The following CDC37L1 variants were observed in gnomAD, a reference collection of about 807,000 sequenced individuals.
CDC37L1 encodes hsp90 co-chaperone Cdc37-like 1.
Under a neutral mutation model 45.9 loss-of-function variants are expected in CDC37L1, and 32 were observed. The ratio of observed to expected loss-of-function variants is 0.70; its 90% CI spans 0.53 to 0.94. The LOEUF (loss-of-function observed/expected upper bound fraction) is 0.94, where lower values mean the gene tolerates loss of function less well. CDC37L1 is among the 40% of genes least tolerant of loss of function. The pLI, the probability that CDC37L1 is intolerant of heterozygous loss-of-function variation, is 0.00. For missense variants in CDC37L1, 434 were observed against 405.7 expected (o/e 1.07, Z -0.60); for synonymous variants, 150 against 133.0 (o/e 1.13, Z -0.88).
intron 3 of CDC37L1, among the ~76,000 whole-genome samples, chr9:4,691,703 CT>C (rs1033894135): frequency 5.9e-5 from 9 of 152,066 alleles, no homozygotes; most frequent in African/African-American, 1.9e-4. Context: ...GACTGCCTTT[CT>C]TGTGCTGCTT....
At chr9:4,681,656 T>G (rs1841195257) in intron 1 of CDC37L1, among the ~76,000 whole-genome samples, 2 of 152,218 alleles carry the variant, frequency 1.3e-5, no homozygotes, top group Non-Finnish European at 2.9e-5. Context: ...AAATTTTTTT[T>G]GCAAACTGAT....
intron 2 of CDC37L1, 114 bp from the exon 3 acceptor site, chr9:4,688,396 TATG>T (rs1159587000): frequency 1.8e-6 from 1 of 553,230 alleles, no homozygotes; most frequent in South Asian, 2.9e-5. Context: ...GTAATATCAG[TATG>T]ATACTATACC....
At chr9:4,681,247 A>G (rs1841190636) in intron 1 of CDC37L1, among the ~76,000 whole-genome samples, 1 of 152,240 alleles carries the variant, frequency 6.6e-6, no homozygotes, top group Non-Finnish European at 1.5e-5. Flanking sequence ...AAATATCTGT[A>G]TGTTAATTTC....
At position 4,701,859 on chromosome 9, in the gene CDC37L1, TC is replaced by T. The variant is rs960358891; in HGVS notation, c.748-4del. On this transcript the variant is annotated splice_polypyrimidine_tract_variant and splice_region_variant and intron_variant, in intron 5 of 6. Coordinates refer to ENST00000381854, the MANE Select transcript of CDC37L1 (RefSeq NM_017913.4). ...AGTCTTTGTTTTTTTTTTTGTTTTT[TC>T]TAGGCAGAGGAAGAAGGTTATTTTG... 4.4e-6 allele frequency: 7 copies of T among 1,591,992 alleles called. No homozygotes were observed. In the African/African-American group the frequency reaches 5.4e-5, roughly 12 times the overall value.
intron 6 of CDC37L1, chr9:4,703,256 C>T (rs1235197870): frequency 1.8e-6 from 1 of 555,102 alleles, no homozygotes; most frequent in East Asian, 3.6e-5. Context: ...ACTGTAATTT[C>T]ACCATTCCAA....
At chr9:4,696,789 G>A (rs1475797723) in intron 3 of CDC37L1, among the ~76,000 whole-genome samples, 1 of 152,210 alleles carries the variant, frequency 6.6e-6, no homozygotes, top group Admixed American at 6.5e-5. Flanking sequence ...GCCCAAGACT[G>A]CGGGCATTCA....
rs1431284118 is a variant in CDC37L1 at position 4,686,882 on chromosome 9, T to C, written c.415-1631T>C. The stretch of plus-strand genomic sequence containing the variant: ...TAAAATACACACCAGATTCCAATGA[T>C]GTAGTGCCAAAAAAAGTAAAATATT... On this transcript the variant is annotated intron_variant, in intron 2 of 6. Coordinates refer to ENST00000381854, the MANE Select transcript of CDC37L1 (RefSeq NM_017913.4). 3.3e-5 allele frequency among the ~76,000 whole-genome samples: 5 copies of C among 152,342 alleles called. No individual in the cohort carries two copies. The East Asian group carries it at 9.6e-4, about 29-fold the overall frequency.
Position 4,681,016 on chromosome 9 carries a change from G to A in CDC37L1, c.132+1117G>A, listed in dbSNP as rs77535787. ...TGGGGAACTACAAGACATTTTTTAGGAGGACAGAATGAGAGTTGATGGGTC... is the reference window on the plus strand; with the variant it reads ...TGGGGAACTACAAGACATTTTTTAGAAGGACAGAATGAGAGTTGATGGGTC... On this transcript the variant is annotated intron_variant, in intron 1 of 6. Coordinates refer to ENST00000381854, the MANE Select transcript of CDC37L1 (RefSeq NM_017913.4). Among the ~76,000 whole-genome samples, 1,305 of 152,276 alleles carry A rather than the reference G, an allele frequency of 8.6e-3. 16 individuals are homozygous for A. Among genetic ancestry groups the A allele is most frequent in the African/African-American group, 0.029 (1,216 of 41,544 alleles).
At chr9:4,683,642 GA>G (rs898896756) in intron 1 of CDC37L1, among the ~76,000 whole-genome samples, 5 of 151,846 alleles carry the variant, frequency 3.3e-5, no homozygotes, top group African/African-American at 9.7e-5. Flanking sequence ...AGCTAAGAAT[GA>G]AAAAAAAGAT....
At chr9:4,688,960 T>A (rs1162824367) in intron 3 of CDC37L1, among the ~76,000 whole-genome samples, 1 of 152,182 alleles carries the variant, frequency 6.6e-6, no homozygotes, top group Non-Finnish European at 1.5e-5. Flanking sequence ...GTTTTAAAGA[T>A]TATTCATTTT....
intron 3 of CDC37L1, among the ~76,000 whole-genome samples, chr9:4,694,997 A>G (rs3864783): frequency 0.025 from 3,771 of 152,314 alleles, 127 homozygotes; most frequent in African/African-American, 0.075. Context: ...TATTTCAGTA[A>G]GTCACAATGC....
At chr9:4,704,134 C>T (rs979658618) in intron 6 of CDC37L1, among the ~76,000 whole-genome samples, 2 of 152,266 alleles carry the variant, frequency 1.3e-5, no homozygotes, top group East Asian at 1.9e-4. Flanking sequence ...ATAATAACAT[C>T]CCATTTTTAT....
intron 3 of CDC37L1, among the ~76,000 whole-genome samples, chr9:4,689,638 C>CAT (rs1275558987): frequency 1.3e-5 from 2 of 152,054 alleles, no homozygotes; most frequent in East Asian, 3.8e-4. Context: ...AGTTTTTCTA[C>CAT]ATATAATCAA....
intron 1 of CDC37L1, among the ~76,000 whole-genome samples, chr9:4,683,493 G>C (rs1841217388): frequency 6.6e-6 from 1 of 152,082 alleles, no homozygotes; most frequent in Non-Finnish European, 1.5e-5. Context: ...AAAGAGGATT[G>C]CCAAATTGAA....
At chr9:4,692,045 T>G (rs988784796) in intron 3 of CDC37L1, among the ~76,000 whole-genome samples, 3 of 152,172 alleles carry the variant, frequency 2.0e-5, no homozygotes, top group African/African-American at 7.2e-5. Flanking sequence ...TTTTTTAATC[T>G]GTGTAGGATG....
chr9:4,703,045 T>C (rs771850591), intron 6 of CDC37L1: 1 of 1,526,476 alleles, frequency 6.6e-7, no homozygotes, highest in Non-Finnish European at 8.8e-7. Flanking sequence ...TTGATTTTAC[T>C]AGTAGCACTT....
At chr9:4,680,187 C>T (rs1841177073) in intron 1 of CDC37L1, among the ~76,000 whole-genome samples, 1 of 152,206 alleles carries the variant, frequency 6.6e-6, no homozygotes, top group Non-Finnish European at 1.5e-5. Flanking sequence ...TCTCCCCTTC[C>T]TGACAGCACT....
intron 2 of CDC37L1, among the ~76,000 whole-genome samples, chr9:4,686,131 A>G (rs1841244694): frequency 6.6e-6 from 1 of 152,200 alleles, no homozygotes; most frequent in Non-Finnish European, 1.5e-5. Context: ...AGATCGTGCC[A>G]CTACACTCCA....
chr9:4,693,768 C>T (rs1232072708), intron 3 of CDC37L1, among the ~76,000 whole-genome samples: 1 of 152,142 alleles, frequency 6.6e-6, no homozygotes, highest in Admixed American at 6.6e-5. Flanking sequence ...TATCATTTAT[C>T]GAGTATTTAC....
Sources: gnomAD v4.1 joint callset for allele counts (sites outside exome capture counted in the v4.1 genomes callset) on GRCh38, gnomAD v4.1.1 for gene constraint, MANE v1.5 for transcripts, NCBI Gene and HGNC (gene_info 2026-07-23, HGNC 2026-07-21) for gene names.